The following FRMD4A variants were observed in gnomAD, a reference collection of about 807,000 sequenced individuals.
FRMD4A encodes the protein FERM domain-containing protein 4A.
Under a neutral mutation model 129.1 loss-of-function variants are expected in FRMD4A, and 29 were observed. The observed-to-expected ratio is 0.22, with a 90% CI of 0.17 to 0.31. The LOEUF (loss-of-function observed/expected upper bound fraction) is 0.31, where lower values mean the gene tolerates loss of function less well. Ranked by LOEUF, FRMD4A falls within the 10% of genes least tolerant of loss-of-function variation. The pLI is 1.00. For synonymous variants in FRMD4A, 634 were observed against 571.6 expected (o/e 1.11, Z -1.56); for missense variants, 1,272 against 1,375.8 (o/e 0.92, Z 1.19).
chr10:13,897,928 C>G (rs1589208433), intron 2 of FRMD4A, among the ~76,000 whole-genome samples: 1 of 104,044 alleles, frequency 9.6e-6, no homozygotes, highest in African/African-American at 3.8e-5. Context: ...CAGACAGAGA[C>G]TCCGACTCAA....
chr10:13,729,623 C>T (rs1442297309), intron 12 of FRMD4A: 1 of 152,170 alleles, frequency 6.6e-6, no homozygotes, highest in Non-Finnish European at 1.5e-5. Context: ...GCCCCTGCTT[C>T]CGAAATACCC....
chr10:13,907,905 C>T (rs1406873438), intron 2 of FRMD4A, among the ~76,000 whole-genome samples: 4 of 149,750 alleles, frequency 2.7e-5, no homozygotes, highest in African/African-American at 7.4e-5. Context: ...GTGGCTCACA[C>T]CTGTAATGCC....
At chr10:13,696,336 G>A (rs2086224753) in intron 14 of FRMD4A, among the ~76,000 whole-genome samples, 1 of 152,166 alleles carries the variant, frequency 6.6e-6, no homozygotes, top group Non-Finnish European at 1.5e-5. Flanking sequence ...CTGTTATGGA[G>A]ACCCAGGTTT....
chr10:14,078,275 G>A (rs1454193450), intron 2 of FRMD4A, among the ~76,000 whole-genome samples: 1 of 152,180 alleles, frequency 6.6e-6, no homozygotes, highest in Non-Finnish European at 1.5e-5. Flanking sequence ...GAAGAACCTG[G>A]AGGGTCATTA....
intron 2 of FRMD4A, among the ~76,000 whole-genome samples, chr10:14,149,806 G>A (rs936429660): frequency 2.6e-5 from 4 of 152,190 alleles, no homozygotes; most frequent in Admixed American, 2.6e-4. Flanking sequence ...TTCATGTCCC[G>A]AGGTGGCACA....
chr10:13,812,801 A>AATACCACCTC (rs1335399725), intron 3 of FRMD4A, among the ~76,000 whole-genome samples: 1 of 152,248 alleles, frequency 6.6e-6, no homozygotes, highest in Non-Finnish European at 1.5e-5. Flanking sequence ...GTGATAAATC[A>AATACCACCTC]ATACCACCTC....
chr10:14,091,021 C>A (rs113377920), intron 2 of FRMD4A, among the ~76,000 whole-genome samples: 1 of 152,066 alleles, frequency 6.6e-6, no homozygotes, highest in Non-Finnish European at 1.5e-5. Context: ...GTCACTATCC[C>A]AGGTCCCTGA....
chr10:13,999,320 G>A lies in FRMD4A; in HGVS notation c.46-140408C>T, dbSNP rs117072904. On this transcript the variant is annotated intron_variant, in intron 2 of 24. Transcript: ENST00000357447. ...GACTTAGCTGTGTCTCTTGGGCCTA[G>A]AACACTGTCTGGCATGTAGTCGATG... 7.3e-3 allele frequency among the ~76,000 whole-genome samples: 1,106 copies of A among 152,274 alleles called. 9 individuals are homozygous for A. Among genetic ancestry groups the A allele is most frequent in the Non-Finnish European group, 0.011 (723 of 68,006 alleles).
rs988160252 is a variant in FRMD4A at position 14,108,822 on chromosome 10, C to T, written c.45+221236G>A. On this transcript the variant is annotated intron_variant, in intron 2 of 24. Coordinates refer to ENST00000357447, the MANE Select transcript of FRMD4A (RefSeq NM_018027.5). The stretch of plus-strand genomic sequence containing the variant: ...AAAAAGGACTGATAGAAGAAAATTA[C>T]TCCATAGAAACAAAAACAAACTCAA... 3.3e-5 allele frequency among the ~76,000 whole-genome samples: 5 copies of T among 152,122 alleles called. No individual in the cohort carries two copies. In the East Asian group the frequency reaches 7.7e-4, roughly 23 times the overall value.
intron 5 of FRMD4A, among the ~76,000 whole-genome samples, chr10:13,794,990 A>G (rs1427393393): frequency 6.6e-6 from 1 of 152,212 alleles, no homozygotes; most frequent in Non-Finnish European, 1.5e-5. Flanking sequence ...AGGTGCCCCA[A>G]GCTCTCCTGC....
intron 24 of FRMD4A, among the ~76,000 whole-genome samples, chr10:13,648,447 G>A (rs967996215): frequency 6.6e-6 from 1 of 152,112 alleles, no homozygotes; most frequent in African/African-American, 2.4e-5. Flanking sequence ...CTAACTCCAC[G>A]TGGTCCTGGT....
At chr10:14,027,648 A>C (rs1397624908) in intron 2 of FRMD4A, among the ~76,000 whole-genome samples, 1 of 152,164 alleles carries the variant, frequency 6.6e-6, no homozygotes, top group African/African-American at 2.4e-5. Context: ...CAAAACAAAA[A>C]TCAAACAGTC....
chr10:14,094,439 C>T lies in FRMD4A; in HGVS notation c.46-235527G>A, dbSNP rs975999911. Among the ~76,000 whole-genome samples the T allele has an allele frequency of 2.0e-5, 3 of 152,220 alleles. 1 individual carries two copies. The highest frequency in any genetic ancestry group is 7.2e-5 in the African/African-American group (3 of 41,464). ...GATGTGCCGCTATCCTGCTATCCTG[C>T]TTCCCAACCCTGGTGTGGGCCAGTC... On this transcript the variant is annotated intron_variant, in intron 2 of 24. Transcript: ENST00000357447.
At chr10:14,173,735 A>C (rs1841591916) in intron 2 of FRMD4A, among the ~76,000 whole-genome samples, 1 of 152,066 alleles carries the variant, frequency 6.6e-6, no homozygotes, top group Admixed American at 6.5e-5. Flanking sequence ...GTGACTGGAA[A>C]TCCTGCTAAA....
At chr10:13,766,922 A>G (rs1332057422) in intron 6 of FRMD4A, among the ~76,000 whole-genome samples, 1 of 151,942 alleles carries the variant, frequency 6.6e-6, no homozygotes, top group Non-Finnish European at 1.5e-5. Flanking sequence ...AAAACACAAA[A>G]ATTAGTTGGG....
intron 2 of FRMD4A, 83 bp downstream of exon 2, chr10:14,329,975 A>G: frequency 8.0e-7 from 1 of 1,247,518 alleles, no homozygotes; most frequent in Non-Finnish European, 1.1e-6. Context: ...GTCTGCAGCC[A>G]CTGCAGCGGC....
chr10:14,212,843 C>G (rs1842969763), intron 2 of FRMD4A, among the ~76,000 whole-genome samples: 1 of 152,136 alleles, frequency 6.6e-6, no homozygotes, highest in Admixed American at 6.5e-5. Flanking sequence ...TTTCTCTGAC[C>G]TTAATTCTGC....
intron 2 of FRMD4A, chr10:14,326,966 CAT>C (rs1843303286): frequency 2.5e-6 from 1 of 398,536 alleles, no homozygotes; most frequent in Admixed American, 4.4e-5. Flanking sequence ...CTTCCGTGGT[CAT>C]ATGAGTGGCT....
intron 2 of FRMD4A, among the ~76,000 whole-genome samples, chr10:14,157,393 T>G (rs974808467): frequency 6.6e-6 from 1 of 152,186 alleles, no homozygotes; most frequent in African/African-American, 2.4e-5. Context: ...ACGGCACGAA[T>G]TTAGGAGGTA....
Sources: gnomAD v4.1 joint callset for allele counts (sites outside exome capture counted in the v4.1 genomes callset) on GRCh38, gnomAD v4.1.1 for gene constraint, MANE v1.5 for transcripts, NCBI Gene and HGNC (gene_info 2026-07-23, HGNC 2026-07-21) for gene names.